The following RBFOX1 variants were observed in gnomAD, a reference collection of about 807,000 sequenced individuals.
RBFOX1 encodes the protein RNA binding fox-1 homolog 1, also known as RNA binding protein fox-1 homolog 1.
In RBFOX1, 8 loss-of-function variants were observed where a neutral mutation model predicts 57.7. That is an observed-to-expected ratio of 0.14 (90% CI 0.08 to 0.25). The LOEUF is 0.25. RBFOX1 is among the 10% of genes least tolerant of loss of function. The pLI, the probability that RBFOX1 is intolerant of heterozygous loss-of-function variation, is 1.00. For missense variants in RBFOX1, 611 were observed against 548.5 expected (o/e 1.11, Z -1.14); for synonymous variants, 326 against 222.4 (o/e 1.47, Z -4.15).
At chr16:5,890,405 C>G (rs2058018327) in intron 4 of RBFOX1, among the ~76,000 whole-genome samples, 1 of 152,072 alleles carries the variant, frequency 6.6e-6, no homozygotes, top group Non-Finnish European at 1.5e-5. Context: ...AGTCCCAGAA[C>G]TAAGAAGTGA....
intron 10 of RBFOX1, 76 bp from the exon 11 acceptor site, chr16:7,630,527 G>C (rs1407865339): frequency 6.3e-7 from 1 of 1,592,964 alleles, no homozygotes; most frequent in African/African-American, 1.3e-5. Context: ...TGCATTTCTC[G>C]GTTGCATTGC....
At chr16:5,819,999 C>T (rs182210254) in intron 3 of RBFOX1, among the ~76,000 whole-genome samples, 7 of 152,298 alleles carry the variant, frequency 4.6e-5, no homozygotes, top group South Asian at 4.1e-4. Flanking sequence ...CCCACCAGAC[C>T]GGGACCTCTG....
intron 3 of RBFOX1, among the ~76,000 whole-genome samples, chr16:5,815,208 G>T: frequency 7.5e-6 from 1 of 134,080 alleles, no homozygotes. Flanking sequence ...TGCCAAGGCT[G>T]GCCTCAAACT....
chr16:7,161,457 C>G (rs1355487018), intron 4 of RBFOX1, among the ~76,000 whole-genome samples: 2 of 152,134 alleles, frequency 1.3e-5, no homozygotes, highest in East Asian at 1.9e-4. Context: ...AAAAACTCTT[C>G]TAGTCATTAT....
In RBFOX1 at chr16:6,448,156, C is replaced by CTTTTTTTTTTT. The variant is rs397969435; in HGVS notation, c.-64+131110_-64+131120dup. 1.3e-3 allele frequency among the ~76,000 whole-genome samples: 102 copies of CTTTTTTTTTTT among 78,468 alleles called. 5 individuals carry two copies. The highest frequency in any genetic ancestry group is 0.01 in the Middle Eastern group (1 of 98). 51.5% of individuals were successfully genotyped at this position (78,468 alleles called of 152,430 possible). A position where few individuals can be genotyped will look rare whatever the true frequency, so the allele number is the denominator to read the frequency against. On this transcript the variant is annotated intron_variant, in intron 2 of 15. Coordinates refer to ENST00000550418, the MANE Select transcript of RBFOX1 (RefSeq NM_018723.4). ...TTCTTTTTTTTCTTTTCTTTTCTTT[C>CTTTTTTTTTTT]TTTTTTTTTTTTTTTTTTTTTGAGA...
chr16:5,771,606 A>C (rs2053979369), intron 3 of RBFOX1, among the ~76,000 whole-genome samples: 1 of 152,024 alleles, frequency 6.6e-6, no homozygotes, highest in Non-Finnish European at 1.5e-5. Context: ...ATGGGGTTTC[A>C]CCTTGCTGCC....
chr16:6,643,962 C>T (rs2098512781), intron 2 of RBFOX1, among the ~76,000 whole-genome samples: 1 of 151,916 alleles, frequency 6.6e-6, no homozygotes, highest in Non-Finnish European at 1.5e-5. Flanking sequence ...CCCATCTGTA[C>T]TAAAAATAAA....
At chr16:6,252,482 G>T (rs1276237107) in intron 1 of RBFOX1, among the ~76,000 whole-genome samples, 4 of 152,168 alleles carry the variant, frequency 2.6e-5, no homozygotes, top group African/African-American at 9.6e-5. Context: ...AAAAGTAAGT[G>T]TGGAGATCTG....
intron 3 of RBFOX1, among the ~76,000 whole-genome samples, chr16:6,997,151 G>T (rs2092327795): frequency 6.6e-6 from 1 of 152,046 alleles, no homozygotes; most frequent in African/African-American, 2.4e-5. Flanking sequence ...TGTCTTTTCT[G>T]TTAGCTGAAA....
chr16:7,465,442 A>C (rs1221080557), intron 4 of RBFOX1, among the ~76,000 whole-genome samples: 1 of 152,196 alleles, frequency 6.6e-6, no homozygotes, highest in Non-Finnish European at 1.5e-5. Flanking sequence ...TTGTGGAATG[A>C]CTTGGGAGCA....
chr16:5,496,653 G>A (rs755279), intron 2 of RBFOX1, among the ~76,000 whole-genome samples: 44,513 of 152,118 alleles, frequency 0.29, 12,315 homozygotes, highest in African/African-American at 0.73. Context: ...AAACGAGGGA[G>A]AGTGAGGAGG....
chr16:6,105,269 G>C (rs906697228), intron 1 of RBFOX1, among the ~76,000 whole-genome samples: 1 of 152,146 alleles, frequency 6.6e-6, no homozygotes, highest in East Asian at 1.9e-4. Flanking sequence ...TGTTTAAGCT[G>C]ATCATTTGTT....
At chr16:6,020,272 T>C (rs1353507891) in intron 1 of RBFOX1, among the ~76,000 whole-genome samples, 1 of 151,942 alleles carries the variant, frequency 6.6e-6, no homozygotes, top group Non-Finnish European at 1.5e-5. Context: ...CCAGGCTACC[T>C]CGTCCGTCCT....
intron 2 of RBFOX1, among the ~76,000 whole-genome samples, chr16:6,319,170 T>C (rs1204897474): frequency 6.6e-6 from 1 of 152,142 alleles, no homozygotes; most frequent in Non-Finnish European, 1.5e-5. Flanking sequence ...GTAGTTGGAA[T>C]TTGTACATGG....
At chr16:5,875,655 A>G (rs2057588760) in intron 4 of RBFOX1, among the ~76,000 whole-genome samples, 1 of 152,218 alleles carries the variant, frequency 6.6e-6, no homozygotes, top group Non-Finnish European at 1.5e-5. Context: ...AGTATCAACT[A>G]GAACCAATTC....
At chr16:5,994,745 G>C (rs577164689) in intron 4 of RBFOX1, among the ~76,000 whole-genome samples, 1 of 152,288 alleles carries the variant, frequency 6.6e-6, no homozygotes, top group East Asian at 1.9e-4. Context: ...TGGCCCATGG[G>C]CAGTAGTTTG....
In RBFOX1 at chr16:6,816,977, T is replaced by G. The variant is rs533401052; in HGVS notation, c.-16+162327T>G. Among the ~76,000 whole-genome samples the G allele has an allele frequency of 1.7e-4, 26 of 152,182 alleles. No homozygotes were observed. In the South Asian group the frequency reaches 5.4e-3, roughly 32 times the overall value. ...TGCCCAGGGTGGTCTCATACTCCTG[T>G]GCTCAAGCGATCCCACTGCCTCTGC... On this transcript the variant is annotated intron_variant, in intron 3 of 15. Coordinates refer to ENST00000550418, the MANE Select transcript of RBFOX1 (RefSeq NM_018723.4).
intron 3 of RBFOX1, among the ~76,000 whole-genome samples, chr16:6,695,243 A>G (rs1038230913): frequency 5.3e-5 from 8 of 152,030 alleles, no homozygotes; most frequent in Admixed American, 5.2e-4. Flanking sequence ...AACAGGGTGA[A>G]ACTCCGTCTC....
chr16:6,675,823 A>G (rs6500809), intron 3 of RBFOX1, among the ~76,000 whole-genome samples: 150,403 of 152,162 alleles, frequency 0.99, 74,357 homozygotes, highest in Middle Eastern at 1. Flanking sequence ...ATCTCCCACC[A>G]GGCCCCTCCC....
Sources: allele counts gnomAD v4.1 joint callset (sites outside exome capture counted in the v4.1 genomes callset), GRCh38; gene constraint gnomAD v4.1.1; transcripts MANE v1.5; gene names NCBI Gene and HGNC (gene_info 2026-07-23, HGNC 2026-07-21).